RNF19B: variants seen among roughly 807,000 people sequenced by gnomAD.
RNF19B encodes E3 ubiquitin-protein ligase RNF19B.
In RNF19B, 23 loss-of-function variants were observed where a neutral mutation model predicts 65.5. The observed-to-expected ratio is 0.35, with a 90% CI of 0.25 to 0.50. The LOEUF is 0.50. Ranked by LOEUF, RNF19B falls within the 20% of genes least tolerant of loss-of-function variation. RNF19B has a pLI of 0.98. For missense variants in RNF19B, 794 were observed against 980.0 expected, an observed-to-expected ratio of 0.81 and a Z score of 2.53; for synonymous variants, 372 against 379.6, an observed-to-expected ratio of 0.98 and a Z score of 0.23.
At chr1:32,935,629 G>A (rs967441067), downstream of RNF19B, among the ~76,000 whole-genome samples, 27 of 152,286 alleles carry the variant, frequency 1.8e-4, no homozygotes, top group African/African-American at 5.3e-4. Flanking sequence ...ATCAGAACAC[G>A]GAGTGGTATA....
intron 3 of RNF19B, among the ~76,000 whole-genome samples, chr1:32,947,274 GTT>G (rs1179588882): frequency 1.3e-5 from 2 of 152,166 alleles, no homozygotes; most frequent in Non-Finnish European, 2.9e-5. Context: ...CACAATGAAT[GTT>G]TGTTTGTAAA....
chr1:32,963,632 C>T (rs762063819), intron 1 of RNF19B, among the ~76,000 whole-genome samples: 1 of 151,446 alleles, frequency 6.6e-6, no homozygotes, highest in Non-Finnish European at 1.5e-5. Flanking sequence ...GCAGGAGAAT[C>T]GCTTGAACCT....
intron 1 of RNF19B, among the ~76,000 whole-genome samples, chr1:32,963,413 T>C (rs1285557173): frequency 3.3e-5 from 5 of 152,096 alleles, no homozygotes; most frequent in African/African-American, 4.8e-5. Flanking sequence ...CCCACTCTCA[T>C]TAAGAGATAC....
At chr1:32,946,165 C>T (rs184730678) in intron 4 of RNF19B, among the ~76,000 whole-genome samples, 3 of 152,292 alleles carry the variant, frequency 2.0e-5, no homozygotes, top group Admixed American at 6.5e-5. Context: ...AACCATCATG[C>T]CTGGCCCAGC....
chr1:32,938,154 A>AAG (rs1642150121), intron 8 of RNF19B, among the ~76,000 whole-genome samples: 2 of 151,200 alleles, frequency 1.3e-5, no homozygotes, highest in South Asian at 2.1e-4. Flanking sequence ...AAAAAAAAAA[A>AAG]AAAAAAGAAA....
intron 1 of RNF19B, among the ~76,000 whole-genome samples, chr1:32,956,220 A>G (rs1642635596): frequency 6.6e-6 from 1 of 152,022 alleles, no homozygotes; most frequent in Admixed American, 6.6e-5. Flanking sequence ...CAAAAAAATT[A>G]GCTGGGCATG....
At chr1:32,945,697 A>G (rs1642350721) in intron 4 of RNF19B, 69 bp from the exon 5 acceptor site, 2 of 843,950 alleles carry the variant, frequency 2.4e-6, no homozygotes, top group Non-Finnish European at 4.0e-6. Context: ...GAAAAAAAGG[A>G]CAGGTGAATA....
chr1:32,948,466 A>G, intron 2 of RNF19B, 103 bp from the exon 3 acceptor site: 1 of 1,268,966 alleles, frequency 7.9e-7, no homozygotes, highest in East Asian at 2.4e-5. Context: ...GGCAGCAGTC[A>G]AGAACTCTTC....
At chr1:32,951,102 GC>G (rs1207017903) in intron 1 of RNF19B, among the ~76,000 whole-genome samples, 3 of 152,196 alleles carry the variant, frequency 2.0e-5, no homozygotes, top group Admixed American at 2.0e-4. Context: ...CTCCCAAAGT[GC>G]TGGGATTACA....
chr1:32,948,681 C>T (rs914738418), intron 2 of RNF19B, among the ~76,000 whole-genome samples: 1 of 152,094 alleles, frequency 6.6e-6, no homozygotes, highest in Admixed American at 6.5e-5. Context: ...TTCTACCAGT[C>T]GATAGGCTGG....
intron 1 of RNF19B, among the ~76,000 whole-genome samples, chr1:32,956,982 G>A (rs925981466): frequency 2.0e-5 from 3 of 152,048 alleles, no homozygotes; most frequent in African/African-American, 7.2e-5. Context: ...CTCTAGGCTA[G>A]ACAACTCCAA....
chr1:32,957,962 A>G (rs905592784), intron 1 of RNF19B, among the ~76,000 whole-genome samples: 2 of 152,200 alleles, frequency 1.3e-5, no homozygotes, highest in African/African-American at 4.8e-5. Flanking sequence ...AAATTCATCT[A>G]TGTACCACAC....
At chr1:32,951,681 A>G (rs562028323) in intron 1 of RNF19B, among the ~76,000 whole-genome samples, 1 of 152,258 alleles carries the variant, frequency 6.6e-6, no homozygotes, top group Non-Finnish European at 1.5e-5. Flanking sequence ...TACTTTTTCA[A>G]TTCAAACCTA....
chr1:32,938,593 G>A, intron 7 of RNF19B, 65 bp from the exon 8 acceptor site: 3 of 1,512,340 alleles, frequency 2.0e-6, no homozygotes, highest in South Asian at 2.4e-5. Flanking sequence ...TCTGCTTCCT[G>A]GCACACATCT....
chr1:32,946,089 C>T (rs556779851), intron 4 of RNF19B, among the ~76,000 whole-genome samples: 15 of 152,228 alleles, frequency 9.9e-5, no homozygotes, highest in African/African-American at 3.6e-4. Flanking sequence ...TGGTCTCAAA[C>T]ACCTGGGCTC....
At chr1:32,938,156 A>AAG (rs1553143160) in intron 8 of RNF19B, among the ~76,000 whole-genome samples, 3 of 151,118 alleles carry the variant, frequency 2.0e-5, no homozygotes, top group African/African-American at 4.8e-5. Context: ...AAAAAAAAAA[A>AAG]AAAAGAAAAA....
intron 1 of RNF19B, among the ~76,000 whole-genome samples, chr1:32,961,334 C>A (rs946469731): frequency 1.3e-5 from 2 of 152,136 alleles, no homozygotes; most frequent in Non-Finnish European, 2.9e-5. Flanking sequence ...CTCAATAATG[C>A]GGCTATGTTG....
intron 7 of RNF19B, among the ~76,000 whole-genome samples, chr1:32,940,735 C>T (rs988006508): frequency 3.9e-5 from 6 of 152,118 alleles, no homozygotes; most frequent in African/African-American, 7.2e-5. Flanking sequence ...CTTTCTTCTC[C>T]GTTGCATTCA....
Position 32,964,030 on chromosome 1 carries a change from G to A in RNF19B, c.635+21C>T. On this transcript the variant is annotated intron_variant, in intron 1 of 8. Transcript: ENST00000235150. This position sits in a 1 kb window ranked among gnomAD's most constrained non-coding sequence, Gnocchi z 6.5. Reference sequence around the variant, plus strand: ...CCTCGGCTGCAGCCCGCCGCCACCCGCGCCACGCCCCCGCGCTCACCCGCA... The same window carrying A: ...CCTCGGCTGCAGCCCGCCGCCACCCACGCCACGCCCCCGCGCTCACCCGCA... The A allele has an allele frequency of 2.8e-6, 4 of 1,416,842 alleles. No homozygotes were observed. Among genetic ancestry groups the A allele is most frequent in the Non-Finnish European group, 3.7e-6 (4 of 1,091,076 alleles). The allele number at this position is 1,416,842 out of a possible 1,614,324, so 87.8% of individuals were successfully genotyped here.
Sources: gnomAD v4.1 joint callset for allele counts (sites outside exome capture counted in the v4.1 genomes callset) on GRCh38, gnomAD v4.1.1 for gene constraint, Gnocchi (gnomAD v3.1) non-coding constraint, MANE v1.5 for transcripts, NCBI Gene and HGNC (gene_info 2026-07-23, HGNC 2026-07-21) for gene names.